TECTA: variants seen among roughly 807,000 people sequenced by gnomAD.
The protein encoded by TECTA is alpha-tectorin.
In TECTA, 128 loss-of-function variants were observed where a neutral mutation model predicts 216.8. The ratio of observed to expected loss-of-function variants is 0.59; its 90% confidence interval spans 0.51 to 0.68. The LOEUF (loss-of-function observed/expected upper bound fraction) is 0.68, where lower values mean the gene tolerates loss of function less well. Among genes scored for constraint, TECTA ranks in the 30% least tolerant of loss-of-function variants. TECTA has a pLI of 0.00. For missense variants in TECTA, 2,551 were observed against 2,786.2 expected (o/e 0.92, Z 1.90); for synonymous variants, 1,089 against 1,117.1 (o/e 0.97, Z 0.50).
intron 20 of TECTA, among the ~76,000 whole-genome samples, chr11:121,173,864 A>T (rs1001454687): frequency 6.3e-4 from 96 of 152,078 alleles, no homozygotes; most frequent in African/African-American, 2.2e-3. Context: ...CTTTTATTTC[A>T]TCGAGCAGTG....
At position 121,137,458 on chromosome 11, in the gene TECTA, C is replaced by T. The variant is rs780771129; in HGVS notation, c.2979C>T (p.Cys993=). ...ECPENSHFEE[C]ITCTETCETL... The stretch of plus-strand genomic sequence containing the variant: ...CAGAGAACAGCCACTTTGAGGAGTG[C>T]ATCACATGTACAGAGACCTGTGAGA... Residue 993 remains cysteine (C), a synonymous_variant, in exon 11 of 24, where the codon TGC becomes TGT. Coordinates refer to ENST00000392793, the MANE Select transcript of TECTA (RefSeq NM_005422.4). 2.5e-6 allele frequency: 4 copies of T among 1,613,864 alleles called. No individual in the cohort carries two copies. In the South Asian group the frequency reaches 3.3e-5, roughly 13 times the overall value.
chr11:121,103,860 A>C (rs1214120374), intron 2 of TECTA, among the ~76,000 whole-genome samples: 1 of 152,190 alleles, frequency 6.6e-6, no homozygotes, highest in Non-Finnish European at 1.5e-5. Context: ...TTAAAATTAA[A>C]AATATTTAAC....
Position 121,113,256 on chromosome 11 carries a change from T to C in TECTA, c.624+47T>C. The C allele has an allele frequency of 6.2e-7, 1 of 1,612,812 alleles. No individual in the cohort carries two copies. The highest frequency in any genetic ancestry group is 8.5e-7 in the Non-Finnish European group (1 of 1,179,962). On this transcript the variant is annotated intron_variant, in intron 5 of 23. Transcript: ENST00000392793. The surrounding 1 kb of genome is among the most constrained non-coding windows in gnomAD (Gnocchi z 4.2). ...CCCCCGCGTGTTTCCGTCGCTGCACTCTCTGCTTCTGTGGCTCAGCATCCT... is the reference window on the plus strand; with the variant it reads ...CCCCCGCGTGTTTCCGTCGCTGCACCCTCTGCTTCTGTGGCTCAGCATCCT...
intron 13 of TECTA, among the ~76,000 whole-genome samples, chr11:121,155,068 C>T (rs887056206): frequency 6.6e-6 from 1 of 152,158 alleles, no homozygotes; most frequent in Non-Finnish European, 1.5e-5. Flanking sequence ...AACAAAGAAT[C>T]CACATCTACT....
intron 6 of TECTA, among the ~76,000 whole-genome samples, chr11:121,116,634 A>G (rs1443770518): frequency 1.3e-5 from 2 of 152,200 alleles, no homozygotes; most frequent in Non-Finnish European, 2.9e-5. Flanking sequence ...GACATATATC[A>G]ATCTAATGAG....
intron 7 of TECTA, among the ~76,000 whole-genome samples, chr11:121,119,627 A>G (rs1946537593): frequency 1.3e-5 from 2 of 152,374 alleles, no homozygotes; most frequent in South Asian, 4.1e-4. Flanking sequence ...ACCCAGTGCA[A>G]TCCTTAATCC....
At chr11:121,177,497 G>A (rs964540694) in intron 20 of TECTA, among the ~76,000 whole-genome samples, 11 of 152,166 alleles carry the variant, frequency 7.2e-5, no homozygotes, top group East Asian at 1.9e-4. Context: ...GCAGATTTTC[G>A]TGAACCACAA....
chr11:121,116,759 T>C (rs915243888), intron 6 of TECTA, among the ~76,000 whole-genome samples: 7 of 152,140 alleles, frequency 4.6e-5, no homozygotes. Flanking sequence ...CCAAACCTCC[T>C]CTATTCAAAG....
chr11:121,184,871 G>A (rs1947265453), intron 20 of TECTA, among the ~76,000 whole-genome samples: 2 of 152,196 alleles, frequency 1.3e-5, no homozygotes, highest in African/African-American at 2.4e-5. Context: ...ACTACTTGGT[G>A]TCCTGCAGGC....
chr11:121,102,417 TTGAA>T (rs1286699003), intron 1 of TECTA, among the ~76,000 whole-genome samples: 9 of 152,186 alleles, frequency 5.9e-5, no homozygotes, highest in Admixed American at 2.6e-4. Flanking sequence ...ACTTGACAGT[TTGAA>T]TGATCTCATT....
intron 16 of TECTA, among the ~76,000 whole-genome samples, chr11:121,164,690 C>T (rs1947033546): frequency 3.9e-5 from 6 of 151,980 alleles, no homozygotes; most frequent in Admixed American, 3.3e-4. Context: ...TCTCTTTTTA[C>T]AAAATCAAGT....
intron 6 of TECTA, among the ~76,000 whole-genome samples, chr11:121,116,301 G>C (rs539127078): frequency 6.6e-6 from 1 of 152,264 alleles, no homozygotes; most frequent in African/African-American, 2.4e-5. Flanking sequence ...TCCCTCCCCT[G>C]TATAGCCTGG....
At position 121,113,318 on chromosome 11, in the gene TECTA, C is replaced by T. The variant is rs1205245006; in HGVS notation, c.624+109C>T. ...TGCCACCAGCTTTTAACTAGAGACG[C>T]AGGTCTGATCTCGCAGGTGGACTAC... On this transcript the variant is annotated intron_variant, in intron 5 of 23. Transcript: ENST00000392793. This position sits in a 1 kb window ranked among gnomAD's most constrained non-coding sequence, Gnocchi z 4.2. The T allele has an allele frequency of 5.1e-6, 8 of 1,583,084 alleles. No individual in the cohort carries two copies. Among genetic ancestry groups the T allele is most frequent in the South Asian group, 1.1e-5 (1 of 89,448 alleles).
At position 121,125,208 on chromosome 11, in the gene TECTA, T is replaced by G. The variant is rs183430298; in HGVS notation, c.1204-94T>G. 1,751 of 1,269,204 alleles carry G rather than the reference T, an allele frequency of 1.4e-3. 5 individuals are homozygous for G. The highest frequency in any genetic ancestry group is 1.8e-3 in the Non-Finnish European group (1,566 of 881,608). 78.6% of individuals were successfully genotyped at this position (1,269,204 alleles called of 1,614,324 possible). ...GTTTAGGTGGCCATTCTCTCTGGAG[T>G]GTTGAGTTGCTTTGCCTTCCTTTCC... On this transcript the variant is annotated intron_variant, in intron 7 of 23. Transcript: ENST00000392793.
chr11:121,153,050 C>T lies in TECTA; in HGVS notation c.4275C>T (p.Cys1425=), dbSNP rs769528740. ...NGKSCILPHS[C]GCYSDGKYYE... ...AGAGCTGCATCCTGCCCCACAGCTGCGGCTGCTACTCCGATGGCAAATATT... is the reference window on the plus strand; with the variant it reads ...AGAGCTGCATCCTGCCCCACAGCTGTGGCTGCTACTCCGATGGCAAATATT... Residue 1425 remains cysteine (C), a synonymous_variant, in exon 13 of 24, where the codon TGC becomes TGT. Transcript: ENST00000392793. 3.7e-6 allele frequency: 6 copies of T among 1,613,964 alleles called. No homozygotes were observed. Among genetic ancestry groups the T allele is most frequent in the Admixed American group, 1.7e-5 (1 of 60,010 alleles).
At chr11:121,109,746 A>C in intron 4 of TECTA, 1 of 513,442 alleles carries the variant, frequency 1.9e-6, no homozygotes, top group Non-Finnish European at 3.5e-6. Context: ...CCTAAAAAAA[A>C]ACCCTCAAAA....
rs1286043691 is a variant in TECTA at position 121,128,294 on chromosome 11, G to A, written c.2317G>A (p.Val773Met). The A allele has an allele frequency of 1.3e-6, 2 of 1,599,752 alleles. No homozygotes were observed. The highest frequency in any genetic ancestry group is 8.5e-7 in the Non-Finnish European group (1 of 1,179,958). The change falls in exon 9 of 24, where the codon GTG becomes ATG. Residue 773 changes from valine (V) to methionine (M), a missense_variant. Val to Met is a conservative substitution (Grantham distance 21). Transcript: ENST00000392793. ...TTGGCTGCGGGGACTTCGGATCCTG[G>A]TGGCCGACCAGGAGGTCAAGATAGG... ...PAWLRGLRILVADQEVKIGGI... is the reference protein window; with the variant it reads ...PAWLRGLRILMADQEVKIGGI...
intron 7 of TECTA, among the ~76,000 whole-genome samples, chr11:121,120,295 G>A (rs1946544944): frequency 6.6e-6 from 1 of 152,184 alleles, no homozygotes; most frequent in African/African-American, 2.4e-5. Context: ...GGGCGATGTG[G>A]GTGAATGTAA....
At chr11:121,117,630 A>G (rs1414084393) in intron 6 of TECTA, among the ~76,000 whole-genome samples, 1 of 152,206 alleles carries the variant, frequency 6.6e-6, no homozygotes, top group Non-Finnish European at 1.5e-5. Context: ...GTGCATAGAC[A>G]GAGAGAAGTC....
Sources: gnomAD v4.1 joint callset for allele counts (sites outside exome capture counted in the v4.1 genomes callset) on GRCh38, gnomAD v4.1.1 for gene constraint, Gnocchi (gnomAD v3.1) non-coding constraint, MANE v1.5 for transcripts, NCBI Gene and HGNC (gene_info 2026-07-23, HGNC 2026-07-21) for gene names.